ZC3H12B: variants seen among roughly 807,000 people sequenced by gnomAD.
The protein encoded by ZC3H12B is probable ribonuclease ZC3H12B.
Under a neutral mutation model 43.9 loss-of-function variants are expected in ZC3H12B, and 7 were observed. That is an observed-to-expected ratio of 0.16 (90% CI 0.09 to 0.30). The LOEUF (loss-of-function observed/expected upper bound fraction) is 0.30. Ranked by LOEUF, ZC3H12B falls within the 10% of genes least tolerant of loss-of-function variation. The probability of loss-of-function intolerance (pLI) is 1.00; values close to 1 mark genes in which losing one functional copy is unlikely to be tolerated. For missense variants in ZC3H12B, 475 were observed against 670.2 expected, an observed-to-expected ratio of 0.71 and a Z score of 3.22; for synonymous variants, 222 against 241.7, an observed-to-expected ratio of 0.92 and a Z score of 0.76.
the ZC3H12B span, among the ~76,000 whole-genome samples, chrX:65,144,187 G>A: frequency 7.2e-5 from 8 of 111,157 alleles, no homozygotes; most frequent in South Asian, 3.0e-3. Flanking sequence ...GCTTTTTATT[G>A]GTCTGTTCAA....
chrX:65,436,541 T>C (rs1464072401), intron 3 of ZC3H12B, among the ~76,000 whole-genome samples: 1 of 112,234 alleles, frequency 8.9e-6, no homozygotes, highest in African/African-American at 3.2e-5. Context: ...CAACCAGAAA[T>C]AATTCTTTAC....
chrX:65,476,495 G>A (rs2067993542), intron 3 of ZC3H12B, among the ~76,000 whole-genome samples: 2 of 111,891 alleles, frequency 1.8e-5, no homozygotes, highest in South Asian at 7.5e-4. Flanking sequence ...ATATTCAAGA[G>A]TCAGTCACAC....
chrX:65,384,842 A>G (rs1283477824), intron 2 of ZC3H12B, among the ~76,000 whole-genome samples: 1 of 112,174 alleles, frequency 8.9e-6, no homozygotes, highest in Non-Finnish European at 1.9e-5. Flanking sequence ...TTTGAAACAA[A>G]GAAAGAACAG....
chrX:65,401,133 A>C (rs1329330302), intron 3 of ZC3H12B, among the ~76,000 whole-genome samples: 1 of 110,510 alleles, frequency 9.0e-6, no homozygotes, highest in Admixed American at 9.6e-5. Context: ...ATGAGCCCTC[A>C]TAATACCTGG....
intron 2 of ZC3H12B, among the ~76,000 whole-genome samples, chrX:65,370,691 C>G (rs1386127079): frequency 8.9e-6 from 1 of 111,965 alleles, no homozygotes; most frequent in African/African-American, 3.2e-5. Context: ...TTACAATCTA[C>G]TGGCAGGAAG....
the ZC3H12B span, among the ~76,000 whole-genome samples, chrX:65,083,514 C>T: frequency 2.7e-5 from 3 of 111,377 alleles, no homozygotes; most frequent in Non-Finnish European, 3.8e-5. Context: ...TTACAATAGC[C>T]ACACATAAAA....
At chrX:65,304,109 T>A in the ZC3H12B span, among the ~76,000 whole-genome samples, 1 of 112,230 alleles carries the variant, frequency 8.9e-6, no homozygotes, top group Non-Finnish European at 1.9e-5. Flanking sequence ...TGTAAAGTTA[T>A]AGGACTTACA....
the ZC3H12B span, among the ~76,000 whole-genome samples, chrX:65,329,718 A>AT: frequency 9.0e-6 from 1 of 111,069 alleles, no homozygotes; most frequent in East Asian, 2.8e-4. Flanking sequence ...TCTTGAATTA[A>AT]TTTTTTTATA....
At chrX:65,182,689 G>T in the ZC3H12B span, among the ~76,000 whole-genome samples, 1 of 106,899 alleles carries the variant, frequency 9.4e-6, no homozygotes, top group Non-Finnish European at 1.9e-5. Flanking sequence ...CTAATATCCA[G>T]AATCTTTAAG....
the ZC3H12B span, among the ~76,000 whole-genome samples, chrX:65,161,455 G>T: frequency 4.5e-5 from 5 of 111,683 alleles, no homozygotes; most frequent in Admixed American, 2.9e-4. Flanking sequence ...CCTGTATTGG[G>T]TGCATATATA....
the ZC3H12B span, among the ~76,000 whole-genome samples, chrX:65,160,439 G>T: frequency 2.7e-5 from 3 of 111,730 alleles, no homozygotes; most frequent in African/African-American, 9.7e-5. Flanking sequence ...CAGCTTCAGA[G>T]CCTGTTATTG....
At chrX:65,396,512 A>T (rs1055572664) in intron 2 of ZC3H12B, among the ~76,000 whole-genome samples, 41 of 110,748 alleles carry the variant, frequency 3.7e-4, no homozygotes, top group South Asian at 2.6e-3. Flanking sequence ...TCTTAATCCT[A>T]AGTTCTAATT....
chrX:65,169,729 G>A, the ZC3H12B span, among the ~76,000 whole-genome samples: 1 of 112,007 alleles, frequency 8.9e-6, no homozygotes, highest in Non-Finnish European at 1.9e-5. Context: ...TGTATTGGGT[G>A]CATATATATT....
At chrX:65,419,835 G>A (rs1170438530) in intron 3 of ZC3H12B, among the ~76,000 whole-genome samples, 1 of 111,514 alleles carries the variant, frequency 9.0e-6, no homozygotes, top group African/African-American at 3.3e-5. Context: ...ACTGCCCAAT[G>A]TAGATCAAGA....
At chrX:65,287,249 C>A in the ZC3H12B span, among the ~76,000 whole-genome samples, 1 of 111,474 alleles carries the variant, frequency 9.0e-6, no homozygotes, top group African/African-American at 3.3e-5. Context: ...TGTTTATCAG[C>A]ACATGGAACA....
At chrX:65,108,436 T>C in the ZC3H12B span, among the ~76,000 whole-genome samples, 2 of 110,348 alleles carry the variant, frequency 1.8e-5, no homozygotes, top group Non-Finnish European at 3.8e-5. Context: ...TTAAAACTTT[T>C]TGTCAAAATG....
the ZC3H12B span, among the ~76,000 whole-genome samples, chrX:65,197,120 C>T: frequency 3.6e-4 from 40 of 112,223 alleles, no homozygotes; most frequent in South Asian, 1.5e-3. Flanking sequence ...AAAGAGCCTA[C>T]TGGGGAAAGG....
At chrX:65,459,763 C>G (rs1394763131) in intron 3 of ZC3H12B, among the ~76,000 whole-genome samples, 2 of 111,506 alleles carry the variant, frequency 1.8e-5, no homozygotes, top group South Asian at 7.6e-4. Context: ...ACTGAATGGG[C>G]AAAAACTGGA....
the ZC3H12B span, among the ~76,000 whole-genome samples, chrX:65,160,370 G>A: frequency 2.2e-4 from 24 of 111,405 alleles, 1 homozygote; most frequent in Admixed American, 1.2e-3. Context: ...GGTAGAATTC[G>A]GCTGTGAATC....
Sources: allele counts gnomAD v4.1 joint callset (sites outside exome capture counted in the v4.1 genomes callset), GRCh38; gene constraint gnomAD v4.1.1; transcripts MANE v1.5; gene names NCBI Gene and HGNC (gene_info 2026-07-23, HGNC 2026-07-21).